Variants in PAX5 observed in about 807,000 individuals in gnomAD.
PAX5 encodes the protein paired box protein Pax-5.
In PAX5, 9 loss-of-function variants were observed where a neutral mutation model predicts 43.7. The observed-to-expected ratio is 0.21, with a 90% CI of 0.12 to 0.36. The LOEUF (loss-of-function observed/expected upper bound fraction) is 0.36. PAX5 is among the 10% of genes least tolerant of loss of function. PAX5 has a pLI of 1.00. For missense variants in PAX5, 383 were observed against 532.7 expected, an observed-to-expected ratio of 0.72 and a Z score of 2.77; for synonymous variants, 228 against 214.3, an observed-to-expected ratio of 1.06 and a Z score of -0.56.
At chr9:36,890,236 A>C (rs1339130543) in intron 7 of PAX5, among the ~76,000 whole-genome samples, 1 of 152,018 alleles carries the variant, frequency 6.6e-6, no homozygotes, top group Non-Finnish European at 1.5e-5. Flanking sequence ...CAAGCCATCG[A>C]GCAGCCATTA....
chr9:36,889,942 G>T (rs1241832315), intron 7 of PAX5, among the ~76,000 whole-genome samples: 2 of 69,504 alleles, frequency 2.9e-5, no homozygotes, highest in African/African-American at 8.4e-5. Flanking sequence ...GTACACTAAC[G>T]GGGGGGGGGG....
intron 7 of PAX5, among the ~76,000 whole-genome samples, chr9:36,920,592 T>C (rs1182826348): frequency 6.6e-6 from 1 of 152,206 alleles, no homozygotes; most frequent in African/African-American, 2.4e-5. Flanking sequence ...GAGTATCCCT[T>C]ATCCAAAATG....
intron 6 of PAX5, among the ~76,000 whole-genome samples, chr9:36,935,040 C>A (rs1831428845): frequency 6.6e-6 from 1 of 152,198 alleles, no homozygotes; most frequent in Non-Finnish European, 1.5e-5. Context: ...CAAACACGCT[C>A]TTTATTCATT....
At chr9:37,011,530 TG>T (rs1838931712) in intron 3 of PAX5, among the ~76,000 whole-genome samples, 1 of 152,104 alleles carries the variant, frequency 6.6e-6, no homozygotes, top group Non-Finnish European at 1.5e-5. Context: ...GGGTCAGCTT[TG>T]GGATGGCCAC....
chr9:36,854,720 G>T (rs1480240055), intron 8 of PAX5, among the ~76,000 whole-genome samples: 3 of 152,106 alleles, frequency 2.0e-5, no homozygotes, highest in African/African-American at 4.8e-5. Context: ...CTCAGTAAAG[G>T]TCAGCCTGTC....
intron 5 of PAX5, among the ~76,000 whole-genome samples, chr9:36,984,159 G>T (rs1324128174): frequency 6.6e-6 from 1 of 152,096 alleles, no homozygotes; most frequent in Non-Finnish European, 1.5e-5. Context: ...AGGTCAAGAG[G>T]GATAGGCCAG....
At chr9:36,910,081 A>C (rs1829142472) in intron 7 of PAX5, among the ~76,000 whole-genome samples, 1 of 151,858 alleles carries the variant, frequency 6.6e-6, no homozygotes, top group Non-Finnish European at 1.5e-5. Context: ...CTTAATGTTA[A>C]ATCTCCTGAT....
chr9:36,881,604 C>A (rs1028724639), intron 8 of PAX5, among the ~76,000 whole-genome samples: 1 of 151,810 alleles, frequency 6.6e-6, no homozygotes, highest in African/African-American at 2.4e-5. Flanking sequence ...ACCGCGAGCA[C>A]CTCAGCGCCT....
At position 36,900,658 on chromosome 9, in the gene PAX5, C is replaced by T. The variant is rs558042175; in HGVS notation, c.911-18553G>A. Reference sequence around the variant, plus strand: ...TTCTCCATGGCGTCCTCCTCCATGGCGTCCTCCTCCTCAGCCACCCTGGTT... The same window carrying T: ...TTCTCCATGGCGTCCTCCTCCATGGTGTCCTCCTCCTCAGCCACCCTGGTT... On this transcript the variant is annotated intron_variant, in intron 7 of 9. Coordinates refer to ENST00000358127, the MANE Select transcript of PAX5 (RefSeq NM_016734.3). Among the ~76,000 whole-genome samples, 4 of 152,210 alleles carry T rather than the reference C, an allele frequency of 2.6e-5. No individual in the cohort carries two copies. In the East Asian group the frequency reaches 7.7e-4, roughly 29 times the overall value.
intron 5 of PAX5, among the ~76,000 whole-genome samples, chr9:36,980,935 C>T (rs1265084064): frequency 6.6e-6 from 1 of 152,046 alleles, no homozygotes; most frequent in Non-Finnish European, 1.5e-5. Context: ...ACTGGGTACC[C>T]CCCCAGCAAT....
At position 36,847,908 on chromosome 9, in the gene PAX5, T is replaced by A. The variant is rs73645889; in HGVS notation, c.1013-979A>T. ...GGCAGGGCCTGCCTGTCTTCCCCCA[T>A]GGCTATAGGGGATCCCAAAGAGTAG... On this transcript the variant is annotated intron_variant, in intron 8 of 9. Transcript: ENST00000358127. Among the ~76,000 whole-genome samples, 281 of 152,272 alleles carry A rather than the reference T, an allele frequency of 1.8e-3. 1 individual carries two copies. Among genetic ancestry groups the A allele is most frequent in the African/African-American group, 5.9e-3 (246 of 41,556 alleles).
intron 7 of PAX5, among the ~76,000 whole-genome samples, chr9:36,913,041 G>A (rs1298120522): frequency 6.6e-6 from 1 of 152,224 alleles, no homozygotes; most frequent in Non-Finnish European, 1.5e-5. Flanking sequence ...CTTGGCTGTT[G>A]CTCAGATTAA....
chr9:36,925,587 T>C (rs1830583413), intron 6 of PAX5, among the ~76,000 whole-genome samples: 2 of 152,162 alleles, frequency 1.3e-5, no homozygotes, highest in Admixed American at 6.5e-5. Context: ...CAGGGGTAAC[T>C]GGTTATCCAT....
intron 6 of PAX5, among the ~76,000 whole-genome samples, chr9:36,963,872 T>G (rs1232158429): frequency 6.6e-6 from 1 of 152,168 alleles, no homozygotes; most frequent in Non-Finnish European, 1.5e-5. Context: ...ACTTGCTGGG[T>G]GACCTCAGAC....
At chr9:36,899,485 CCT>C (rs1214629492) in intron 7 of PAX5, among the ~76,000 whole-genome samples, 1 of 152,220 alleles carries the variant, frequency 6.6e-6, no homozygotes, top group Non-Finnish European at 1.5e-5. Flanking sequence ...CCAGGCCACT[CCT>C]CTGAGCCCAG....
At chr9:36,855,906 C>T (rs946841266) in intron 8 of PAX5, among the ~76,000 whole-genome samples, 5 of 152,222 alleles carry the variant, frequency 3.3e-5, no homozygotes, top group Non-Finnish European at 7.3e-5. Flanking sequence ...ACCACCTCCT[C>T]CAGGAAGGCT....
rs539707463 is a variant in PAX5 at position 37,032,251 on chromosome 9, C to T, written c.46+1735G>A. Among the ~76,000 whole-genome samples the T allele has an allele frequency of 2.6e-5, 4 of 152,220 alleles. 1 individual carries two copies. The South Asian group carries it at 8.3e-4, about 32-fold the overall frequency. ...TCAGGCAATTGAACTAATCAAAGAG[C>T]CCATCGACCGCCATGAATTACATTC... On this transcript the variant is annotated intron_variant, in intron 1 of 9. Transcript: ENST00000358127.
At position 36,976,252 on chromosome 9, in the gene PAX5, C is replaced by CCAA. The variant is rs1310357459; in HGVS notation, c.605-9531_605-9529dup. Among the ~76,000 whole-genome samples the CCAA allele has an allele frequency of 3.3e-5, 5 of 152,230 alleles. No homozygotes were observed. The South Asian group carries it at 8.3e-4, about 25-fold the overall frequency. ...CAGCAAGTCATATATTGCTCAGAGT[C>CCAA]CAACAACAACAACAAAATGCTGTTC... On this transcript the variant is annotated intron_variant, in intron 5 of 9. Coordinates refer to ENST00000358127, the MANE Select transcript of PAX5 (RefSeq NM_016734.3).
At chr9:36,935,441 G>A (rs1831471476) in intron 6 of PAX5, among the ~76,000 whole-genome samples, 1 of 152,048 alleles carries the variant, frequency 6.6e-6, no homozygotes, top group Non-Finnish European at 1.5e-5. Flanking sequence ...TCCAAGAAGA[G>A]ATCTATACAG....
Sources: gnomAD v4.1 joint callset for allele counts (sites outside exome capture counted in the v4.1 genomes callset) on GRCh38, gnomAD v4.1.1 for gene constraint, MANE v1.5 for transcripts, NCBI Gene and HGNC (gene_info 2026-07-23, HGNC 2026-07-21) for gene names.